The following RMST variants were observed in gnomAD, a reference collection of about 807,000 sequenced individuals.
The protein encoded by RMST is rhabdomyosarcoma 2 associated transcript.
intron 11 of RMST, among the ~76,000 whole-genome samples, chr12:97,556,932 T>C (rs1338197782): frequency 1.3e-5 from 2 of 152,186 alleles, no homozygotes; most frequent in African/African-American, 4.8e-5. Context: ...TACAACACTG[T>C]ATTTTTTTTT....
In RMST at chr12:97,503,923, CTT is replaced by C. The variant is rs112546385; in HGVS notation, n.1340+7876_1340+7877del. The stretch of plus-strand genomic sequence containing the variant: ...TTAAGAAAGACCAATACAATTAAAA[CTT>C]TTTTTTTTCTTCTTTTCTGAGAGAG... On this transcript the variant is annotated intron_variant and non_coding_transcript_variant, in intron 10 of 13. Coordinates refer to ENST00000640149, the Ensembl canonical transcript of RMST. Among the ~76,000 whole-genome samples, 10 of 150,680 alleles carry C rather than the reference CTT, an allele frequency of 6.6e-5. 1 individual carries two copies. The South Asian group carries it at 1.7e-3, about 26-fold the overall frequency.
At chr12:97,540,188 G>A (rs1882391498) in intron 11 of RMST, among the ~76,000 whole-genome samples, 1 of 151,580 alleles carries the variant, frequency 6.6e-6, no homozygotes, top group Non-Finnish European at 1.5e-5. Flanking sequence ...CCACTGAGTA[G>A]TGTTGTAGTG....
intron 11 of RMST, among the ~76,000 whole-genome samples, chr12:97,531,353 C>G (rs571991011): frequency 1.3e-3 from 194 of 152,092 alleles, no homozygotes; most frequent in African/African-American, 3.8e-3. Context: ...AGTCGCACAA[C>G]ATAATTGGGG....
At chr12:97,564,607 C>A (rs559770497) in exon 14 of RMST, 1 of 152,324 alleles carries the variant, frequency 6.6e-6, no homozygotes, top group South Asian at 2.1e-4. Flanking sequence ...GTAATGCATA[C>A]AGTGCCTAAC....
intron 11 of RMST, among the ~76,000 whole-genome samples, chr12:97,537,262 A>G (rs1882146024): frequency 1.3e-5 from 2 of 151,428 alleles, no homozygotes; most frequent in East Asian, 1.9e-4. Flanking sequence ...TTCATTAACC[A>G]TTTGAGTCCT....
At chr12:97,478,248 A>G (rs1023012177) in intron 5 of RMST, among the ~76,000 whole-genome samples, 1 of 152,196 alleles carries the variant, frequency 6.6e-6, no homozygotes, top group Non-Finnish European at 1.5e-5. Context: ...CTCTTCTAAG[A>G]TGTACACCAT....
intron 11 of RMST, among the ~76,000 whole-genome samples, chr12:97,549,930 A>T (rs960753314): frequency 2.0e-5 from 3 of 152,250 alleles, no homozygotes; most frequent in Non-Finnish European, 4.4e-5. Flanking sequence ...TTTGATTTTC[A>T]AATACCTATA....
In RMST at chr12:97,508,285, GAA is replaced by G. The variant is rs557260608; in HGVS notation, n.1340+12232_1340+12233del. On this transcript the variant is annotated intron_variant and non_coding_transcript_variant, in intron 10 of 13. Transcript: ENST00000640149. Reference sequence around the variant, plus strand: ...GAAGGGAAAGATGTTTATAATGAAAGAAAAGAAAAGAAGAGAAACACTAATGA... The same window carrying G: ...GAAGGGAAAGATGTTTATAATGAAAGAAGAAAAGAAGAGAAACACTAATGA... Among the ~76,000 whole-genome samples the G allele has an allele frequency of 2.3e-4, 35 of 152,222 alleles. No homozygotes were observed. The East Asian group carries it at 5.2e-3, about 23-fold the overall frequency.
intron 10 of RMST, among the ~76,000 whole-genome samples, chr12:97,508,021 G>A (rs1253587913): frequency 1.3e-5 from 2 of 152,190 alleles, no homozygotes; most frequent in Non-Finnish European, 2.9e-5. Flanking sequence ...ATTTCACAAA[G>A]TGGCCAAGTA....
At chr12:97,535,498 C>G (rs1412315704) in intron 11 of RMST, among the ~76,000 whole-genome samples, 1 of 151,512 alleles carries the variant, frequency 6.6e-6, no homozygotes, top group African/African-American at 2.4e-5. Flanking sequence ...GTACTCCCCC[C>G]AATCCAGTGA....
At chr12:97,561,635 T>TTTG (rs1884114673) in intron 13 of RMST, among the ~76,000 whole-genome samples, 1 of 130,298 alleles carries the variant, frequency 7.7e-6, no homozygotes, top group Admixed American at 7.7e-5. Flanking sequence ...AAGGCTTTTT[T>TTTG]TTTTTTTTTT....
intron 10 of RMST, among the ~76,000 whole-genome samples, chr12:97,524,218 C>T (rs1880864361): frequency 6.6e-6 from 1 of 151,752 alleles, no homozygotes; most frequent in Non-Finnish European, 1.5e-5. Context: ...TCAGCAGCAG[C>T]AGCATTTGAG....
At chr12:97,505,821 G>T (rs1010395412) in intron 10 of RMST, among the ~76,000 whole-genome samples, 1 of 152,090 alleles carries the variant, frequency 6.6e-6, no homozygotes, top group Non-Finnish European at 1.5e-5. Flanking sequence ...TAAAATCCTT[G>T]TTACCAAAAA....
intron 10 of RMST, among the ~76,000 whole-genome samples, chr12:97,521,403 T>C (rs1425590365): frequency 1.3e-5 from 2 of 152,158 alleles, no homozygotes; most frequent in Non-Finnish European, 2.9e-5. Context: ...GACCTTTTAG[T>C]TTATTAAACA....
At chr12:97,466,056 G>A (rs188802692) in intron 5 of RMST, among the ~76,000 whole-genome samples, 1 of 152,214 alleles carries the variant, frequency 6.6e-6, no homozygotes, top group East Asian at 1.9e-4. Context: ...TCTAGAACTA[G>A]TAAATTAAGA....
Position 97,493,373 on chromosome 12 carries a change from A to G in RMST, n.899+88A>G, listed in dbSNP as rs146482314. ...TAAGTTTAGACAGGAAATAAGTCTG[A>G]TTTGAAACTGTACTGTAAAAGAATT... On this transcript the variant is annotated intron_variant and non_coding_transcript_variant, in intron 7 of 13. Transcript: ENST00000640149. 1.0e-4 allele frequency: 16 copies of G among 152,756 alleles called. 1 individual carries two copies. In the East Asian group the frequency reaches 2.7e-3, roughly 26 times the overall value. 9.5% of individuals were successfully genotyped at this position (152,756 alleles called of 1,614,324 possible).
At chr12:97,541,013 T>C (rs893701312) in intron 11 of RMST, among the ~76,000 whole-genome samples, 2 of 119,652 alleles carry the variant, frequency 1.7e-5, no homozygotes, top group African/African-American at 8.0e-5. Context: ...GTCCCAGGTG[T>C]ATATATATAT....
chr12:97,476,840 C>G (rs1181655958), intron 5 of RMST, among the ~76,000 whole-genome samples: 1 of 151,986 alleles, frequency 6.6e-6, no homozygotes, highest in Non-Finnish European at 1.5e-5. Context: ...GAAAATACTA[C>G]TAAAGTCATA....
intron 4 of RMST, among the ~76,000 whole-genome samples, chr12:97,463,832 G>A (rs570218332): frequency 6.1e-4 from 92 of 151,866 alleles, no homozygotes; most frequent in Non-Finnish European, 9.6e-4. Flanking sequence ...TATATGAAAT[G>A]TACAATAGTT....
Sources: gnomAD v4.1 joint callset for allele counts (sites outside exome capture counted in the v4.1 genomes callset) on GRCh38, gnomAD v4.1.1 for gene constraint, MANE v1.5 for transcripts, NCBI Gene and HGNC (gene_info 2026-07-23, HGNC 2026-07-21) for gene names.